Variants in SLC5A3 observed in about 807,000 individuals in gnomAD.
The protein encoded by SLC5A3 is solute carrier family 5 member 3.
In SLC5A3, 10 loss-of-function variants were observed where a neutral mutation model predicts 43.2. The observed-to-expected ratio is 0.23, with a 90% CI of 0.14 to 0.39. The LOEUF (loss-of-function observed/expected upper bound fraction) is 0.39, where lower values mean the gene tolerates loss of function less well. Among genes scored for constraint, SLC5A3 ranks in the 10% least tolerant of loss-of-function variants. The pLI, the probability that SLC5A3 is intolerant of heterozygous loss-of-function variation, is 1.00. For synonymous variants in SLC5A3, 349 were observed against 322.0 expected (o/e 1.08, Z -0.90); for missense variants, 608 against 893.4 (o/e 0.68, Z 4.07).
chr21:34,086,501 T>TCAC (rs910501691), intron 1 of SLC5A3, among the ~76,000 whole-genome samples: 9 of 137,942 alleles, frequency 6.5e-5, no homozygotes, highest in Non-Finnish European at 1.2e-4. Context: ...GACTTGTGTT[T>TCAC]ATTTCTAGTT....
At chr21:34,075,050 C>T (rs891094499) in intron 1 of SLC5A3, among the ~76,000 whole-genome samples, 3 of 152,188 alleles carry the variant, frequency 2.0e-5, no homozygotes, top group African/African-American at 7.2e-5. Context: ...TTTGGCCCTC[C>T]TCCTTGCTTA....
chr21:34,079,651 A>C (rs1989416569), intron 1 of SLC5A3, among the ~76,000 whole-genome samples: 1 of 111,544 alleles, frequency 9.0e-6, no homozygotes, highest in Non-Finnish European at 1.7e-5. Context: ...ATGGGGTTTC[A>C]CCATGTTGGC....
rs1409357265 is a variant in SLC5A3 at position 34,100,558 on chromosome 21, G to A, written c.*3203G>A. On this transcript the variant is annotated 3_prime_UTR_variant, in exon 2 of 2. Coordinates refer to ENST00000381151, the MANE Select transcript of SLC5A3 (RefSeq NM_006933.7). Reference sequence around the variant, plus strand: ...TGGCTCAAAGGATCCATTGTATTTTGGCACAAAGAGCCTGGCCAGGGTCAT... The same window carrying A: ...TGGCTCAAAGGATCCATTGTATTTTAGCACAAAGAGCCTGGCCAGGGTCAT... The A allele has an allele frequency of 3.1e-5, 31 of 1,000,102 alleles. No individual in the cohort carries two copies. The highest frequency in any genetic ancestry group is 3.7e-5 in the Non-Finnish European group (31 of 829,992). 62.0% of individuals were successfully genotyped at this position (1,000,102 alleles called of 1,614,324 possible).
chr21:34,105,910 C>G lies in SLC5A3; in HGVS notation c.*8555C>G, dbSNP rs1979455274. The stretch of plus-strand genomic sequence containing the variant: ...TAAAATCATGACAATTCTAACTTGT[C>G]TATTCTAACCTATTGTGTACAATCT... On this transcript the variant is annotated 3_prime_UTR_variant, in exon 2 of 2. Transcript: ENST00000381151. The G allele has an allele frequency of 1.0e-6, 1 of 983,094 alleles. No individual in the cohort carries two copies. Among genetic ancestry groups the G allele is most frequent in the African/African-American group, 1.8e-5 (1 of 56,842 alleles). The allele number at this position is 983,094 out of a possible 1,614,324, so 60.9% of individuals were successfully genotyped here.
Position 34,099,749 on chromosome 21 carries a change from G to A in SLC5A3, c.*2394G>A. The A allele has an allele frequency of 1.0e-6, 1 of 980,244 alleles. No individual in the cohort carries two copies. The highest frequency in any genetic ancestry group is 1.2e-6 in the Non-Finnish European group (1 of 812,578). The allele number at this position is 980,244 out of a possible 1,614,324, so 60.7% of individuals were successfully genotyped here. On this transcript the variant is annotated 3_prime_UTR_variant, in exon 2 of 2. Transcript: ENST00000381151. ...TGTATATAGCAGTAGGTCAAGTTTAGAGTACTAAAGTCTGTAAATAAGGAA... is the reference window on the plus strand; with the variant it reads ...TGTATATAGCAGTAGGTCAAGTTTAAAGTACTAAAGTCTGTAAATAAGGAA...
rs745563935 is a variant in SLC5A3, at chr21:34,098,943, A to G, written c.*1588A>G. 1.0e-6 allele frequency: 1 copy of G among 988,592 alleles called. No homozygotes were observed. Among genetic ancestry groups the G allele is most frequent in the Non-Finnish European group, 1.2e-6 (1 of 819,344 alleles). 61.2% of individuals were successfully genotyped at this position (988,592 alleles called of 1,614,324 possible). On this transcript the variant is annotated 3_prime_UTR_variant, in exon 2 of 2. Coordinates refer to ENST00000381151, the MANE Select transcript of SLC5A3 (RefSeq NM_006933.7). The stretch of plus-strand genomic sequence containing the variant: ...GCATGATTTTACTAGGCTTGTATTT[A>G]GGGAAATTACTTTCATAAATACTTT...
rs1380003071 is a variant in SLC5A3, at chr21:34,099,234, C to T, written c.*1879C>T. On this transcript the variant is annotated 3_prime_UTR_variant, in exon 2 of 2. Transcript: ENST00000381151. ...ATTCTTGAGGTTTATAATTTGGGGGCCAAATAGATAGAGCTCATCATTTTC... is the reference window on the plus strand; with the variant it reads ...ATTCTTGAGGTTTATAATTTGGGGGTCAAATAGATAGAGCTCATCATTTTC... 1 of 999,844 alleles carries T rather than the reference C, an allele frequency of 1.0e-6. No homozygotes were observed. Among genetic ancestry groups the T allele is most frequent in the Non-Finnish European group, 1.2e-6 (1 of 829,952 alleles). The allele number at this position is 999,844 out of a possible 1,614,324, so 61.9% of individuals were successfully genotyped here.
chr21:34,090,549 T>C (rs1455291217), intron 1 of SLC5A3, among the ~76,000 whole-genome samples: 1 of 152,236 alleles, frequency 6.6e-6, no homozygotes, highest in Admixed American at 6.5e-5. Context: ...AATCTTTCTA[T>C]ATATAAATAA....
At position 34,098,304 on chromosome 21, in the gene SLC5A3, T is replaced by G. The variant is rs1979065996; in HGVS notation, c.*949T>G. 15 of 1,000,056 alleles carry G rather than the reference T, an allele frequency of 1.5e-5. No homozygotes were observed. Among genetic ancestry groups the G allele is most frequent in the Non-Finnish European group, 1.8e-5 (15 of 829,950 alleles). 61.9% of individuals were successfully genotyped at this position (1,000,056 alleles called of 1,614,324 possible). ...TTAGCCAAATGCCTTCCTAGGTGGA[T>G]CCAGTTGGAAGATATGTCCAGAAAC... On this transcript the variant is annotated 3_prime_UTR_variant, in exon 2 of 2. Transcript: ENST00000381151.
rs184140800 is a variant in SLC5A3, at chr21:34,084,394, C to T, written c.-336-10469C>T. On this transcript the variant is annotated intron_variant, in intron 1 of 1. Coordinates refer to ENST00000381151, the MANE Select transcript of SLC5A3 (RefSeq NM_006933.7). ...AAATTGGAACCAAGTAGACTGAGAACAGAAAAAAAACACAAAGTTGACCTG... is the reference window on the plus strand; with the variant it reads ...AAATTGGAACCAAGTAGACTGAGAATAGAAAAAAAACACAAAGTTGACCTG... 2.2e-4 allele frequency among the ~76,000 whole-genome samples: 33 copies of T among 151,766 alleles called. No individual in the cohort carries two copies. In the East Asian group the frequency reaches 6.2e-3, roughly 28 times the overall value.
Position 34,073,636 on chromosome 21 carries a change from C to T in SLC5A3, c.-446C>T, listed in dbSNP as rs1473798071. The T allele has an allele frequency of 9.2e-6, 13 of 1,410,610 alleles. No individual in the cohort carries two copies. Among genetic ancestry groups the T allele is most frequent in the Non-Finnish European group, 1.2e-5 (12 of 1,033,992 alleles). 87.4% of individuals were successfully genotyped at this position (1,410,610 alleles called of 1,614,324 possible). A position where few individuals can be genotyped will look rare whatever the true frequency, so the allele number is the denominator to read the frequency against. On this transcript the variant is annotated 5_prime_UTR_variant, in exon 1 of 2. Coordinates refer to ENST00000381151, the MANE Select transcript of SLC5A3 (RefSeq NM_006933.7). ...GTTTCTAGGTCCCCACTGTCCCCGC[C>T]GTCCCGCCCCTTCGCGTCCCGGGAA...
intron 1 of SLC5A3, among the ~76,000 whole-genome samples, chr21:34,082,394 A>G (rs1602907667): frequency 6.6e-6 from 1 of 152,186 alleles, no homozygotes; most frequent in South Asian, 2.1e-4. Context: ...TGACATTCAC[A>G]GTCCACTTTT....
Position 34,102,473 on chromosome 21 carries a change from C to T in SLC5A3, c.*5118C>T. The T allele has an allele frequency of 3.0e-6, 3 of 1,000,108 alleles. No individual in the cohort carries two copies. The highest frequency in any genetic ancestry group is 3.6e-6 in the Non-Finnish European group (3 of 829,876). 62.0% of individuals were successfully genotyped at this position (1,000,108 alleles called of 1,614,324 possible). A position where few individuals can be genotyped will look rare whatever the true frequency, so the allele number is the denominator to read the frequency against. On this transcript the variant is annotated 3_prime_UTR_variant, in exon 2 of 2. Transcript: ENST00000381151. ...TTTATCCAGTAACCAACAACCCTAA[C>T]CATTGGCATATATAGTCTTTCACTC...
At chr21:34,079,207 A>G (rs963501625) in intron 1 of SLC5A3, among the ~76,000 whole-genome samples, 6 of 152,170 alleles carry the variant, frequency 3.9e-5, no homozygotes, top group African/African-American at 1.4e-4. Context: ...AAACAGCAAT[A>G]CTTTATGGCA....
At chr21:34,080,568 C>G (rs1989436001) in intron 1 of SLC5A3, among the ~76,000 whole-genome samples, 2 of 152,162 alleles carry the variant, frequency 1.3e-5, no homozygotes, top group Non-Finnish European at 2.9e-5. Context: ...GTACATTAAA[C>G]AAATATCAAG....
chr21:34,090,516 A>G (rs970973113), intron 1 of SLC5A3, among the ~76,000 whole-genome samples: 2 of 152,236 alleles, frequency 1.3e-5, no homozygotes, highest in African/African-American at 4.8e-5. Context: ...AGAGAGCTGC[A>G]TCTTTAATGC....
Position 34,098,789 on chromosome 21 carries a change from C to A in SLC5A3, c.*1434C>A, listed in dbSNP as rs1979093992. 1 of 1,000,028 alleles carries A rather than the reference C, an allele frequency of 1.0e-6. No individual in the cohort carries two copies. Among genetic ancestry groups the A allele is most frequent in the African/African-American group, 1.7e-5 (1 of 57,224 alleles). 61.9% of individuals were successfully genotyped at this position (1,000,028 alleles called of 1,614,324 possible). Reference sequence around the variant, plus strand: ...GGGTACAAAAGATGTTAGAGAAAAGCTCTACAGATTACGTACTTCTGTGTC... The same window carrying A: ...GGGTACAAAAGATGTTAGAGAAAAGATCTACAGATTACGTACTTCTGTGTC... On this transcript the variant is annotated 3_prime_UTR_variant, in exon 2 of 2. Coordinates refer to ENST00000381151, the MANE Select transcript of SLC5A3 (RefSeq NM_006933.7).
In SLC5A3 at chr21:34,100,311, T is replaced by C. The variant is rs1979175753; in HGVS notation, c.*2956T>C. Reference sequence around the variant, plus strand: ...ATTGGTATGCAGGATGATTATTGCATATTTTGTGGGACCTCTAATTTCCCT... The same window carrying C: ...ATTGGTATGCAGGATGATTATTGCACATTTTGTGGGACCTCTAATTTCCCT... On this transcript the variant is annotated 3_prime_UTR_variant, in exon 2 of 2. Transcript: ENST00000381151. 1 of 1,000,244 alleles carries C rather than the reference T, an allele frequency of 1.0e-6. No individual in the cohort carries two copies. The highest frequency in any genetic ancestry group is 1.2e-6 in the Non-Finnish European group (1 of 829,976). 62.0% of individuals were successfully genotyped at this position (1,000,244 alleles called of 1,614,324 possible).
chr21:34,085,738 G>A (rs1209716185), intron 1 of SLC5A3, among the ~76,000 whole-genome samples: 1 of 151,984 alleles, frequency 6.6e-6, no homozygotes, highest in Non-Finnish European at 1.5e-5. Context: ...CTGGGACTGG[G>A]ACTACAGGCG....
Sources: allele counts gnomAD v4.1 joint callset (sites outside exome capture counted in the v4.1 genomes callset), GRCh38; gene constraint gnomAD v4.1.1; transcripts MANE v1.5; gene names NCBI Gene and HGNC (gene_info 2026-07-23, HGNC 2026-07-21).